The following THSD7B variants were observed in gnomAD, a reference collection of about 807,000 sequenced individuals.
The protein encoded by THSD7B is thrombospondin type 1 domain containing 7B.
In THSD7B, 138 loss-of-function variants were observed where a neutral mutation model predicts 213.6. The ratio of observed to expected loss-of-function variants is 0.65; its 90% confidence interval spans 0.56 to 0.74. The LOEUF (loss-of-function observed/expected upper bound fraction) is 0.74. Among genes scored for constraint, THSD7B ranks in the 30% least tolerant of loss-of-function variants. The pLI, the probability that THSD7B is intolerant of heterozygous loss-of-function variation, is 0.00. For synonymous variants in THSD7B, 742 were observed against 687.0 expected (o/e 1.08, Z -1.25); for missense variants, 1,931 against 1,991.5 (o/e 0.97, Z 0.58).
At chr2:137,087,312 A>C (rs1258979975) in intron 3 of THSD7B, among the ~76,000 whole-genome samples, 2 of 152,338 alleles carry the variant, frequency 1.3e-5, no homozygotes, top group Non-Finnish European at 2.9e-5. Flanking sequence ...TGGAAGTCCT[A>C]GCCAGAGCAA....
At chr2:137,589,778 G>T (rs2104811997) in intron 17 of THSD7B, among the ~76,000 whole-genome samples, 1 of 152,268 alleles carries the variant, frequency 6.6e-6, no homozygotes, top group East Asian at 1.9e-4. Flanking sequence ...TTATTTAGTT[G>T]GGAAGAGCTA....
intron 2 of THSD7B, among the ~76,000 whole-genome samples, chr2:136,921,192 G>A (rs1684432030): frequency 1.3e-5 from 2 of 149,840 alleles, no homozygotes; most frequent in South Asian, 4.3e-4. Context: ...GCTCCAGATG[G>A]GCCATCACTG....
chr2:137,580,372 A>G (rs1411367309), intron 17 of THSD7B, among the ~76,000 whole-genome samples: 1 of 152,140 alleles, frequency 6.6e-6, no homozygotes, highest in East Asian at 1.9e-4. Flanking sequence ...AATGGGTGTT[A>G]TATTGGTATT....
At chr2:137,365,469 A>T (rs1384795254) in intron 12 of THSD7B, among the ~76,000 whole-genome samples, 1 of 152,358 alleles carries the variant, frequency 6.6e-6, no homozygotes, top group Non-Finnish European at 1.5e-5. Context: ...ACAGAATGGG[A>T]GAAAATTTTC....
chr2:137,089,185 CA>C (rs1238747172), intron 3 of THSD7B, among the ~76,000 whole-genome samples: 2 of 151,412 alleles, frequency 1.3e-5, no homozygotes, highest in Admixed American at 6.6e-5. Context: ...GCACAATTCG[CA>C]ATTGCAAAAT....
At chr2:136,782,696 C>T (rs1009439482) in intron 1 of THSD7B, among the ~76,000 whole-genome samples, 8 of 152,094 alleles carry the variant, frequency 5.3e-5, no homozygotes, top group African/African-American at 1.7e-4. Context: ...ATCTATTATA[C>T]AGCAAGGTGA....
chr2:137,148,840 G>T (rs945698703), intron 5 of THSD7B, among the ~76,000 whole-genome samples: 1 of 152,166 alleles, frequency 6.6e-6, no homozygotes, highest in Non-Finnish European at 1.5e-5. Context: ...GCAGCCTGAC[G>T]ATGCCATTGA....
intron 15 of THSD7B, among the ~76,000 whole-genome samples, chr2:137,469,629 C>G (rs1688055374): frequency 6.6e-6 from 1 of 152,106 alleles, no homozygotes; most frequent in African/African-American, 2.4e-5. Context: ...AATTGATATG[C>G]AAAAGTATAA....
intron 12 of THSD7B, among the ~76,000 whole-genome samples, chr2:137,293,105 T>C (rs1313489604): frequency 6.6e-6 from 1 of 152,116 alleles, no homozygotes; most frequent in Non-Finnish European, 1.5e-5. Context: ...AACTTCTTGC[T>C]ATTAAGAACT....
intron 2 of THSD7B, among the ~76,000 whole-genome samples, chr2:136,995,689 G>A (rs866298305): frequency 1.3e-5 from 2 of 152,064 alleles, no homozygotes; most frequent in African/African-American, 4.8e-5. Flanking sequence ...TACTTCTCAT[G>A]ACTTCATCAT....
At chr2:136,799,517 G>A (rs559578751) in intron 1 of THSD7B, among the ~76,000 whole-genome samples, 1 of 151,782 alleles carries the variant, frequency 6.6e-6, no homozygotes, top group Non-Finnish European at 1.5e-5. Context: ...AGGTCAGTTC[G>A]GGTCAGCTAT....
At chr2:137,520,993 G>C (rs1250168133) in intron 15 of THSD7B, among the ~76,000 whole-genome samples, 1 of 152,162 alleles carries the variant, frequency 6.6e-6, no homozygotes, top group Non-Finnish European at 1.5e-5. Context: ...GAAAATATAA[G>C]GCTTCCTAAT....
intron 14 of THSD7B, among the ~76,000 whole-genome samples, chr2:137,423,457 T>A (rs1035056874): frequency 2.0e-5 from 3 of 151,948 alleles, no homozygotes; most frequent in Admixed American, 2.0e-4. Context: ...GAGTATAAGA[T>A]CAATGGTCGC....
chr2:137,007,915 T>C (rs1404518625), intron 2 of THSD7B, among the ~76,000 whole-genome samples: 2 of 152,150 alleles, frequency 1.3e-5, no homozygotes, highest in Non-Finnish European at 2.9e-5. Context: ...AAATATCCAT[T>C]ATAAAACATG....
intron 15 of THSD7B, among the ~76,000 whole-genome samples, chr2:137,521,266 T>C (rs1311450203): frequency 6.6e-6 from 1 of 152,172 alleles, no homozygotes; most frequent in Non-Finnish European, 1.5e-5. Context: ...AGCACTTTTC[T>C]TAAAAATAAA....
chr2:137,036,338 G>T (rs1040898602), intron 2 of THSD7B, among the ~76,000 whole-genome samples: 1 of 151,924 alleles, frequency 6.6e-6, no homozygotes, highest in Non-Finnish European at 1.5e-5. Context: ...TTACATCTTT[G>T]TTTTATGTCA....
At chr2:137,590,409 G>A (rs989077472) in intron 17 of THSD7B, among the ~76,000 whole-genome samples, 1 of 152,130 alleles carries the variant, frequency 6.6e-6, no homozygotes, top group Non-Finnish European at 1.5e-5. Flanking sequence ...TAGTATAGCT[G>A]ACTATAATAA....
At chr2:136,866,308 A>G (rs1282694506) in intron 1 of THSD7B, among the ~76,000 whole-genome samples, 1 of 152,136 alleles carries the variant, frequency 6.6e-6, no homozygotes, top group Admixed American at 6.5e-5. Context: ...TCCCGCAGAC[A>G]TCTTCTCATG....
chr2:137,167,622 C>T (rs931633141), intron 6 of THSD7B, among the ~76,000 whole-genome samples: 5 of 152,126 alleles, frequency 3.3e-5, no homozygotes, highest in East Asian at 1.9e-4. Context: ...GCCATCTGCT[C>T]GTCTTCCCTT....
Sources: gnomAD v4.1 joint callset for allele counts (sites outside exome capture counted in the v4.1 genomes callset) on GRCh38, gnomAD v4.1.1 for gene constraint, MANE v1.5 for transcripts, NCBI Gene and HGNC (gene_info 2026-07-23, HGNC 2026-07-21) for gene names.